NECAB2: variants seen among roughly 807,000 people sequenced by gnomAD.
NECAB2 encodes N-terminal EF-hand calcium binding protein 2.
NECAB2 carries 68 observed loss-of-function variants against 51.9 expected under a neutral mutation model. The observed-to-expected ratio is 1.31, with a 90% CI of 1.08 to 1.60. The LOEUF is 1.60. Among genes scored for constraint, NECAB2 ranks in the 40% most tolerant of loss-of-function variants. The probability of loss-of-function intolerance (pLI) is 0.00; values close to 1 mark genes in which losing one functional copy is unlikely to be tolerated. For missense variants in NECAB2, 854 were observed against 490.3 expected, an observed-to-expected ratio of 1.74 and a Z score of -7.00; for synonymous variants, 329 against 203.5, an observed-to-expected ratio of 1.62 and a Z score of -5.25.
At chr16:83,994,761 A>G in intron 8 of NECAB2, 73 bp downstream of exon 8, 2 of 1,541,332 alleles carry the variant, frequency 1.3e-6, no homozygotes, top group Non-Finnish European at 1.8e-6. Flanking sequence ...CCTGGAGTTC[A>G]GGACAAAAGT....
chr16:83,996,606 C>T (rs903410905), intron 8 of NECAB2, among the ~76,000 whole-genome samples: 1 of 152,126 alleles, frequency 6.6e-6, no homozygotes, highest in African/African-American at 2.4e-5. Context: ...CAGGTAGACA[C>T]ACTGGGTTCA....
chr16:83,995,129 A>G (rs2084679002), intron 8 of NECAB2, among the ~76,000 whole-genome samples: 1 of 152,260 alleles, frequency 6.6e-6, no homozygotes, highest in African/African-American at 2.4e-5. Context: ...GCAGTAGCAA[A>G]TGTATTAAGT....
chr16:83,988,040 A>G (rs926638686), intron 5 of NECAB2, among the ~76,000 whole-genome samples: 1 of 152,182 alleles, frequency 6.6e-6, no homozygotes, highest in South Asian at 2.1e-4. Context: ...GTGATATTGT[A>G]CCTTATGCTG....
rs565093563 is a variant in NECAB2, at chr16:83,975,970, G to A, written c.227-2474G>A. 3.9e-5 allele frequency among the ~76,000 whole-genome samples: 6 copies of A among 152,270 alleles called. No individual in the cohort carries two copies. In the South Asian group the frequency reaches 1.0e-3, roughly 26 times the overall value. On this transcript the variant is annotated intron_variant, in intron 2 of 12. Transcript: ENST00000305202. Reference sequence around the variant, plus strand: ...CAGGCGTTCAGGATAAATGTCAGCCGAAAGCTTAGTGAGGGGGCACCTTGC... The same window carrying A: ...CAGGCGTTCAGGATAAATGTCAGCCAAAAGCTTAGTGAGGGGGCACCTTGC...
At chr16:83,999,760 C>G (rs1407321702) in intron 10 of NECAB2, among the ~76,000 whole-genome samples, 2 of 152,120 alleles carry the variant, frequency 1.3e-5, no homozygotes, top group African/African-American at 4.8e-5. Context: ...GCCCAGCACC[C>G]CCTCCCCTCA....
intron 7 of NECAB2, 56 bp from the exon 8 acceptor site, chr16:83,994,553 C>G (rs1449155566): frequency 1.2e-6 from 2 of 1,608,894 alleles, no homozygotes; most frequent in East Asian, 2.2e-5. Context: ...CAGCTTCCCC[C>G]CGAAGCCCTC....
chr16:83,987,269 T>C (rs1218397412), intron 5 of NECAB2, among the ~76,000 whole-genome samples: 1 of 152,228 alleles, frequency 6.6e-6, no homozygotes, highest in Non-Finnish European at 1.5e-5. Flanking sequence ...TTTGCGTCCT[T>C]ATTTATTATT....
At chr16:83,987,908 A>G (rs1355716158) in intron 5 of NECAB2, among the ~76,000 whole-genome samples, 1 of 152,216 alleles carries the variant, frequency 6.6e-6, no homozygotes, top group Non-Finnish European at 1.5e-5. Context: ...CCCCATAGCT[A>G]TATTCTGTGT....
upstream of NECAB2, chr16:83,965,369 C>A: frequency 6.4e-7 from 1 of 1,570,944 alleles, no homozygotes; most frequent in Non-Finnish European, 8.6e-7. Context: ...GCCCTTCATC[C>A]ACCATGAGCT....
At chr16:83,999,019 A>G (rs1394022154) in intron 10 of NECAB2, among the ~76,000 whole-genome samples, 3 of 152,072 alleles carry the variant, frequency 2.0e-5, no homozygotes, top group Non-Finnish European at 2.9e-5. Flanking sequence ...CTCCCTTCCC[A>G]GGGCTTTCTT....
Position 83,972,159 on chromosome 16 carries a change from C to A in NECAB2, c.210C>A (p.Arg70=). The change falls in exon 2 of 13, where the codon CGC becomes CGA. Residue 70 remains arginine, a synonymous_variant. Transcript: ENST00000305202. ...GCCTCTCTTTTCTGCAGATTTTCCG[C>A]CGTGCGGACAAAAATGGTGAGTTTC... ...GGTAVILDIF[R]RADKNDDGKL... The A allele has an allele frequency of 6.8e-6, 11 of 1,613,482 alleles. No homozygotes were observed. Among genetic ancestry groups the A allele is most frequent in the South Asian group, 1.1e-5 (1 of 91,090 alleles).
At chr16:83,967,867 T>A (rs2084303946), upstream of NECAB2, among the ~76,000 whole-genome samples, 1 of 138,636 alleles carries the variant, frequency 7.2e-6, no homozygotes, top group Non-Finnish European at 1.6e-5. Flanking sequence ...GATGGATGGA[T>A]GAATGGTTGG....
intron 6 of NECAB2, among the ~76,000 whole-genome samples, chr16:83,993,784 G>C (rs2084657018): frequency 6.6e-6 from 1 of 152,106 alleles, no homozygotes; most frequent in Non-Finnish European, 1.5e-5. Context: ...GCCCAGGTCA[G>C]GATCACAGTT....
chr16:83,995,928 A>G (rs2151098576), intron 8 of NECAB2, among the ~76,000 whole-genome samples: 1 of 152,286 alleles, frequency 6.6e-6, no homozygotes, highest in South Asian at 2.1e-4. Flanking sequence ...GAGACTCTGA[A>G]GCTTATTTTT....
rs1208014359 is a variant in NECAB2, at chr16:84,000,735, T to C, written c.974T>C (p.Val325Ala). 6 of 1,613,734 alleles carry C rather than the reference T, an allele frequency of 3.7e-6. No individual in the cohort carries two copies. Among genetic ancestry groups the C allele is most frequent in the Admixed American group, 1.7e-5 (1 of 59,984 alleles). The change falls in exon 11 of 13, where the codon GTG (valine) becomes GCG (alanine). Residue 325 changes from valine (V) to alanine (A), a missense_variant. Physicochemically the swap from Val to Ala is moderately conservative, Grantham distance 64. Transcript: ENST00000305202. ...ATCTCCTGTTGCAGCATCACTGCCG[T>C]GAGGCTCTCAGATGGCTTCACCTTT... is the stretch of plus-strand genomic sequence containing the variant. ...GVRNCFHITA[V>A]RLSDGFTFVI...
In NECAB2 at chr16:83,977,946, C is replaced by A. The variant is rs1440582000; in HGVS notation, c.227-498C>A. On this transcript the variant is annotated intron_variant, in intron 2 of 12. Coordinates refer to ENST00000305202, the MANE Select transcript of NECAB2 (RefSeq NM_019065.3). ...TATGGAGTGGTGGCTCATCCAGCTG[C>A]TGGTTTTTGGATCCACTTCATACCG... 2.0e-5 allele frequency among the ~76,000 whole-genome samples: 3 copies of A among 152,276 alleles called. No individual in the cohort carries two copies. In the East Asian group the frequency reaches 5.8e-4, roughly 29 times the overall value.
chr16:83,979,493 C>G (rs899135520), intron 3 of NECAB2, among the ~76,000 whole-genome samples: 1 of 152,160 alleles, frequency 6.6e-6, no homozygotes, highest in Non-Finnish European at 1.5e-5. Context: ...AGATACCATC[C>G]TCTGGGAAAG....
At chr16:83,973,011 A>G (rs1218677083) in intron 2 of NECAB2, among the ~76,000 whole-genome samples, 1 of 152,248 alleles carries the variant, frequency 6.6e-6, no homozygotes, top group Non-Finnish European at 1.5e-5. Flanking sequence ...GTGGGGCAAT[A>G]ACACTTGCCC....
intron 3 of NECAB2, 129 bp downstream of exon 3, chr16:83,978,681 C>A: frequency 1.3e-6 from 1 of 746,112 alleles, no homozygotes; most frequent in Non-Finnish European, 2.2e-6. Flanking sequence ...ATTTGCTAAT[C>A]CAGAAGTCAG....
Sources: allele counts gnomAD v4.1 joint callset (sites outside exome capture counted in the v4.1 genomes callset), GRCh38; gene constraint gnomAD v4.1.1; transcripts MANE v1.5; gene names NCBI Gene and HGNC (gene_info 2026-07-23, HGNC 2026-07-21).